Variants in USH2A observed in about 807,000 individuals in gnomAD.
USH2A encodes the protein usherin.
In USH2A, 443 loss-of-function variants were observed where a neutral mutation model predicts 538.9. The observed-to-expected ratio is 0.82, with a 90% CI of 0.76 to 0.89. The LOEUF is 0.89. USH2A is among the 40% of genes least tolerant of loss of function. The probability of loss-of-function intolerance (pLI) is 0.00; values close to 1 mark genes in which losing one functional copy is unlikely to be tolerated. For synonymous variants in USH2A, 2,413 were observed against 2,273.5 expected (o/e 1.06, Z -1.75); for missense variants, 6,633 against 6,324.8 (o/e 1.05, Z -1.65).
At chr1:216,397,739 A>G (rs1185833139) in intron 3 of USH2A, among the ~76,000 whole-genome samples, 3 of 152,226 alleles carry the variant, frequency 2.0e-5, no homozygotes, top group Admixed American at 6.5e-5. Flanking sequence ...TATGGGATGC[A>G]CTGTCAGCTT....
chr1:216,124,633 T>G (rs1281147293), intron 21 of USH2A, among the ~76,000 whole-genome samples: 1 of 152,160 alleles, frequency 6.6e-6, no homozygotes, highest in African/African-American at 2.4e-5. Context: ...TATTCAACCT[T>G]ACACCGAGTT....
chr1:216,101,959 T>C (rs2102577274), intron 21 of USH2A, among the ~76,000 whole-genome samples: 1 of 152,302 alleles, frequency 6.6e-6, no homozygotes, highest in South Asian at 2.1e-4. Context: ...AACTTTAAAA[T>C]TTAATCATAA....
chr1:215,864,134 G>A (rs1664405061), intron 44 of USH2A, among the ~76,000 whole-genome samples: 1 of 152,084 alleles, frequency 6.6e-6, no homozygotes, highest in Non-Finnish European at 1.5e-5. Context: ...ATTTTAGACT[G>A]AGCAGTCAAG....
chr1:215,766,605 G>A, intron 56 of USH2A, 76 bp downstream of exon 56: 1 of 1,296,874 alleles, frequency 7.7e-7, no homozygotes, highest in Non-Finnish European at 1.1e-6. Context: ...TATTTGTTAT[G>A]AAGGAGTTTA....
chr1:216,360,834 C>T (rs933381432), intron 4 of USH2A, among the ~76,000 whole-genome samples: 1 of 152,004 alleles, frequency 6.6e-6, no homozygotes, highest in African/African-American at 2.4e-5. Context: ...CATTTATGGG[C>T]TGGATACTTG....
intron 32 of USH2A, among the ~76,000 whole-genome samples, chr1:216,019,519 T>C (rs934502403): frequency 2.0e-5 from 3 of 152,200 alleles, no homozygotes; most frequent in African/African-American, 7.2e-5. Context: ...AAAAAAATAG[T>C]TGCCCTCATT....
At chr1:215,693,566 T>C (rs1658693906) in intron 61 of USH2A, among the ~76,000 whole-genome samples, 1 of 152,182 alleles carries the variant, frequency 6.6e-6, no homozygotes, top group Admixed American at 6.5e-5. Context: ...AAGACCCCTG[T>C]TTCTTAAAAA....
intron 44 of USH2A, among the ~76,000 whole-genome samples, chr1:215,851,058 A>C (rs544138977): frequency 3.3e-5 from 5 of 152,322 alleles, no homozygotes; most frequent in Non-Finnish European, 7.3e-5. Context: ...TTAAGAGGAA[A>C]GTTCATAGTC....
In USH2A at chr1:215,900,161, T is replaced by G. The variant is rs1199204915; in HGVS notation, c.7508A>C (p.Tyr2503Ser). ...AACCAACCGAAACATATACTCTGTG[T>G]ACGGTTGGAGATCACTCACTTCATA... ...LSYEVSDLQPYTEYMFRLVAS... is the reference protein window; with the variant it reads ...LSYEVSDLQPSTEYMFRLVAS... The change falls in exon 40 of 72, where the codon TAC (tyrosine) becomes TCC (serine). Residue 2503 changes from tyrosine (Y) to serine (S), a missense_variant. Coordinates refer to ENST00000307340, the MANE Select transcript of USH2A (RefSeq NM_206933.4). 2.5e-6 allele frequency: 4 copies of G among 1,613,782 alleles called. No homozygotes were observed. In the South Asian group the frequency reaches 4.4e-5, roughly 18 times the overall value.
At chr1:215,957,734 G>A (rs1667103685) in intron 37 of USH2A, among the ~76,000 whole-genome samples, 1 of 152,080 alleles carries the variant, frequency 6.6e-6, no homozygotes, top group African/African-American at 2.4e-5. Context: ...TAAGATCTCA[G>A]GTGAACTCAC....
At chr1:215,981,576 C>A (rs6540924) in intron 35 of USH2A, among the ~76,000 whole-genome samples, 19,467 of 152,030 alleles carry the variant, frequency 0.13, 1,332 homozygotes, top group Middle Eastern at 0.2. Context: ...ACAGCTAGTT[C>A]AGGGTCCTCT....
At chr1:215,699,376 G>T (rs1658928832) in intron 61 of USH2A, among the ~76,000 whole-genome samples, 8 of 152,158 alleles carry the variant, frequency 5.3e-5, no homozygotes, top group Admixed American at 5.2e-4. Context: ...GTAGCTTGAT[G>T]GGGTAGCATT....
chr1:216,248,018 A>G (rs1302261828), intron 12 of USH2A, among the ~76,000 whole-genome samples: 1 of 152,130 alleles, frequency 6.6e-6, no homozygotes, highest in Non-Finnish European at 1.5e-5. Context: ...AATATAAATA[A>G]AACTTATCCA....
intron 20 of USH2A, 53 bp downstream of exon 20, chr1:216,190,170 G>T: frequency 6.2e-7 from 1 of 1,605,826 alleles, no homozygotes; most frequent in Admixed American, 1.7e-5. Context: ...AATATTATAA[G>T]TTTTTTTTCT....
At chr1:215,641,797 A>G (rs1448532870) in intron 67 of USH2A, among the ~76,000 whole-genome samples, 1 of 152,222 alleles carries the variant, frequency 6.6e-6, no homozygotes, top group African/African-American at 2.4e-5. Context: ...ATGCTTTTGT[A>G]ATTGTAATAT....
In USH2A at chr1:216,081,591, A is replaced by AT. The variant is rs111750394; in HGVS notation, c.5298+1864dup. On this transcript the variant is annotated intron_variant, in intron 26 of 71. Transcript: ENST00000307340. ...CGTATATATTTATCTAAGTGTATTG[A>AT]TTTTTTTTTGTTTTGTTTGTTTTGA... Among the ~76,000 whole-genome samples the AT allele has an allele frequency of 2.4e-3, 370 of 151,100 alleles. 2 individuals carry two copies. Among genetic ancestry groups the AT allele is most frequent in the African/African-American group, 8.3e-3 (342 of 41,218 alleles).
chr1:215,889,390 A>G (rs977095596), intron 40 of USH2A, among the ~76,000 whole-genome samples: 4 of 152,232 alleles, frequency 2.6e-5, no homozygotes, highest in Non-Finnish European at 5.9e-5. Flanking sequence ...GGTAGTTGTT[A>G]CTAAAGTTCT....
Position 215,685,418 on chromosome 1 carries a change from C to T in USH2A, c.12067-5042G>A, listed in dbSNP as rs1213697563. ...GGCTGAAATGCAAGGAGTACAATGGCGCAATCTCAGCTCACTGCAACTTCC... is the reference window on the plus strand; with the variant it reads ...GGCTGAAATGCAAGGAGTACAATGGTGCAATCTCAGCTCACTGCAACTTCC... On this transcript the variant is annotated intron_variant, in intron 61 of 71. Transcript: ENST00000307340. 6.0e-5 allele frequency among the ~76,000 whole-genome samples: 9 copies of T among 150,252 alleles called. No individual in the cohort carries two copies. The East Asian group carries it at 7.8e-4, about 13-fold the overall frequency.
At chr1:216,174,450 G>A in intron 21 of USH2A, 5 of 985,336 alleles carry the variant, frequency 5.1e-6, no homozygotes, top group Non-Finnish European at 6.0e-6. Flanking sequence ...GTACTAGTAA[G>A]GCCAGGAGGA....
Sources: gnomAD v4.1 joint callset for allele counts (sites outside exome capture counted in the v4.1 genomes callset) on GRCh38, gnomAD v4.1.1 for gene constraint, MANE v1.5 for transcripts, NCBI Gene and HGNC (gene_info 2026-07-23, HGNC 2026-07-21) for gene names.